The following ARID4A variants were observed in gnomAD, a reference collection of about 807,000 sequenced individuals.
The protein encoded by ARID4A is AT-rich interaction domain 4A.
In ARID4A, 39 loss-of-function variants were observed where a neutral mutation model predicts 148.6. The ratio of observed to expected loss-of-function variants is 0.26; its 90% CI spans 0.20 to 0.34. ARID4A has a LOEUF of 0.34. Ranked by LOEUF, ARID4A falls within the 10% of genes least tolerant of loss-of-function variation. The pLI, the probability that ARID4A is intolerant of heterozygous loss-of-function variation, is 1.00. For missense variants in ARID4A, 1,265 were observed against 1,449.1 expected (o/e 0.87, Z 2.06); for synonymous variants, 475 against 481.2 (o/e 0.99, Z 0.17).
intron 5 of ARID4A, among the ~76,000 whole-genome samples, chr14:58,312,711 T>G (rs1332118893): frequency 1.3e-5 from 2 of 152,210 alleles, no homozygotes; most frequent in African/African-American, 2.4e-5. Context: ...GACTTCATTT[T>G]ATACTTCTGT....
intron 11 of ARID4A, among the ~76,000 whole-genome samples, chr14:58,338,295 A>T (rs908062105): frequency 6.6e-6 from 1 of 152,190 alleles, no homozygotes; most frequent in Non-Finnish European, 1.5e-5. Flanking sequence ...TCACATTTTT[A>T]AAAAATCACA....
intron 10 of ARID4A, 77 bp downstream of exon 10, chr14:58,329,681 ACT>A (rs771635152): frequency 1.6e-5 from 20 of 1,222,950 alleles, no homozygotes; most frequent in Non-Finnish European, 2.4e-5. Flanking sequence ...CAAGACTGAT[ACT>A]CTCTGGTACC....
At chr14:58,362,232 T>G (rs1014551043) in intron 19 of ARID4A, among the ~76,000 whole-genome samples, 5 of 152,094 alleles carry the variant, frequency 3.3e-5, no homozygotes, top group Non-Finnish European at 7.4e-5. Context: ...TAGGTGAACA[T>G]ATTTTATTCT....
At chr14:58,331,393 G>A (rs768999043) in intron 11 of ARID4A, 1 of 152,162 alleles carries the variant, frequency 6.6e-6, no homozygotes, top group Non-Finnish European at 1.5e-5. Context: ...ATAACCCTGC[G>A]GATGCTATGC....
chr14:58,373,219 T>C lies in ARID4A; in HGVS notation c.*1230T>C, dbSNP rs2140286256. The C allele has an allele frequency of 5.0e-6, 1 of 198,970 alleles. No individual in the cohort carries two copies. Among genetic ancestry groups the C allele is most frequent in the Admixed American group, 6.0e-5 (1 of 16,554 alleles). 12.3% of individuals were successfully genotyped at this position (198,970 alleles called of 1,614,324 possible). Reference sequence around the variant, plus strand: ...CGAATGAATTTATATCTCCCAAAGTTGAGATGCAACAACTAAGTAAAGCAA... The same window carrying C: ...CGAATGAATTTATATCTCCCAAAGTCGAGATGCAACAACTAAGTAAAGCAA... On this transcript the variant is annotated 3_prime_UTR_variant, in exon 24 of 24. Coordinates refer to ENST00000355431, the MANE Select transcript of ARID4A (RefSeq NM_002892.4).
intron 17 of ARID4A, among the ~76,000 whole-genome samples, chr14:58,358,078 C>A (rs948304947): frequency 1.5e-4 from 23 of 151,930 alleles, no homozygotes; most frequent in African/African-American, 4.8e-4. Context: ...GGTGTACATC[C>A]GTGGTCTCAG....
At chr14:58,321,549 C>T (rs1367614692) in intron 7 of ARID4A, among the ~76,000 whole-genome samples, 1 of 152,034 alleles carries the variant, frequency 6.6e-6, no homozygotes, top group African/African-American at 2.4e-5. Context: ...CCTGCGCCAA[C>T]CCTGGAATTG....
chr14:58,298,877 G>A (rs2030803830), intron 1 of ARID4A, among the ~76,000 whole-genome samples, 177 bp downstream of exon 1: 1 of 152,210 alleles, frequency 6.6e-6, no homozygotes, highest in African/African-American at 2.4e-5. Context: ...GGCAGCAACT[G>A]CAGGAACCGC....
intron 17 of ARID4A, among the ~76,000 whole-genome samples, chr14:58,358,555 CAG>C (rs2034993487): frequency 6.6e-6 from 1 of 151,828 alleles, no homozygotes; most frequent in Admixed American, 6.6e-5. Context: ...TTAAGCTAAA[CAG>C]AATAAACTTA....
At chr14:58,345,033 C>G (rs960493097) in intron 12 of ARID4A, among the ~76,000 whole-genome samples, 1 of 151,870 alleles carries the variant, frequency 6.6e-6, no homozygotes, top group Non-Finnish European at 1.5e-5. Flanking sequence ...CCACCATACC[C>G]AGCTAATTTT....
intron 16 of ARID4A, among the ~76,000 whole-genome samples, chr14:58,352,508 C>T (rs11628909): frequency 0.27 from 40,947 of 151,992 alleles, 5,831 homozygotes; most frequent in East Asian, 0.52. Flanking sequence ...AAGACTGTAA[C>T]TCTTTTGTAA....
At chr14:58,316,799 C>T (rs926568416) in intron 5 of ARID4A, among the ~76,000 whole-genome samples, 7 of 151,972 alleles carry the variant, frequency 4.6e-5, no homozygotes, top group Non-Finnish European at 8.8e-5. Context: ...AGGCAGGTCT[C>T]GAACTCCCGA....
chr14:58,323,534 A>C lies in ARID4A; in HGVS notation c.499A>C (p.Lys167Gln), dbSNP rs748822451. The C allele has an allele frequency of 6.2e-7, 1 of 1,614,146 alleles. No individual in the cohort carries two copies. ...AAGCAGTGAAGAGGAAGATGAAGAC[A>C]AGCGCCGTCTCAATGATGAATTACT... ...EESSEEEDEDKRRLNDELLGK... is the reference protein window; with the variant it reads ...EESSEEEDEDQRRLNDELLGK... Residue 167 changes from lysine (K) to glutamine (Q), a missense_variant, in exon 8 of 24, where the codon AAG (lysine) becomes CAG (glutamine). By Grantham distance (53) the Lys-to-Gln change is moderately conservative (BLOSUM62 1). Coordinates refer to ENST00000355431, the MANE Select transcript of ARID4A (RefSeq NM_002892.4).
chr14:58,328,068 A>AT (rs1270174217), intron 8 of ARID4A, among the ~76,000 whole-genome samples, 169 bp from the exon 9 acceptor site: 1 of 152,174 alleles, frequency 6.6e-6, no homozygotes, highest in Non-Finnish European at 1.5e-5. Flanking sequence ...ATAAGGGTAT[A>AT]TTTTTTTGTA....
chr14:58,312,598 T>G (rs983597820), intron 5 of ARID4A, among the ~76,000 whole-genome samples: 1 of 152,202 alleles, frequency 6.6e-6, no homozygotes, highest in African/African-American at 2.4e-5. Context: ...TTTGCTTCAT[T>G]ATGTGAAGAA....
chr14:58,331,683 T>G (rs944842754), intron 11 of ARID4A, among the ~76,000 whole-genome samples: 5 of 152,176 alleles, frequency 3.3e-5, no homozygotes, highest in Non-Finnish European at 7.4e-5. Context: ...TATCAATGGA[T>G]GAAGGCTATT....
At chr14:58,319,492 G>A (rs1696173930) in intron 7 of ARID4A, among the ~76,000 whole-genome samples, 2 of 136,146 alleles carry the variant, frequency 1.5e-5, no homozygotes, top group African/African-American at 5.5e-5. Flanking sequence ...AATAATACAC[G>A]AATATCTGTG....
intron 11 of ARID4A, among the ~76,000 whole-genome samples, chr14:58,335,568 C>T (rs979561939): frequency 2.0e-4 from 31 of 152,256 alleles, no homozygotes; most frequent in African/African-American, 7.0e-4. Context: ...GCATCTCAGC[C>T]TCCCAAAGTG....
At chr14:58,363,685 G>T (rs1012736852) in intron 19 of ARID4A, among the ~76,000 whole-genome samples, 1 of 151,558 alleles carries the variant, frequency 6.6e-6, no homozygotes, top group African/African-American at 2.4e-5. Context: ...AACCAAGTGA[G>T]ACTATGTCTC....
Sources: allele counts gnomAD v4.1 joint callset (sites outside exome capture counted in the v4.1 genomes callset), GRCh38; gene constraint gnomAD v4.1.1; transcripts MANE v1.5; gene names NCBI Gene and HGNC (gene_info 2026-07-23, HGNC 2026-07-21).